The following ST3GAL3 variants were observed in gnomAD, a reference collection of about 807,000 sequenced individuals.
ST3GAL3 encodes CMP-N-acetylneuraminate-beta-1,4-galactoside alpha-2,3-sialyltransferase.
Under a neutral mutation model 50.1 loss-of-function variants are expected in ST3GAL3, and 21 were observed. The ratio of observed to expected loss-of-function variants is 0.42; its 90% CI spans 0.30 to 0.60. ST3GAL3 has a LOEUF of 0.60. Among genes scored for constraint, ST3GAL3 ranks in the 20% least tolerant of loss-of-function variants. ST3GAL3 has a pLI of 0.19. For missense variants in ST3GAL3, 353 were observed against 489.4 expected (o/e 0.72, Z 2.63); for synonymous variants, 183 against 190.0 (o/e 0.96, Z 0.30).
chr1:43,927,779 A>C (rs1232547500), intron 11 of ST3GAL3, among the ~76,000 whole-genome samples: 2 of 152,218 alleles, frequency 1.3e-5, no homozygotes, highest in Non-Finnish European at 2.9e-5. Context: ...GGGCAAGTGC[A>C]GATGGCAGAG....
At chr1:43,824,681 A>G (rs376542625) in intron 4 of ST3GAL3, 11 of 1,612,510 alleles carry the variant, frequency 6.8e-6, no homozygotes, top group African/African-American at 4.0e-5. Flanking sequence ...TCTCCTAGAC[A>G]TCTTGAGCTA....
At chr1:43,775,739 G>A (rs976538848) in intron 2 of ST3GAL3, among the ~76,000 whole-genome samples, 1 of 151,694 alleles carries the variant, frequency 6.6e-6, no homozygotes, top group African/African-American at 2.4e-5. Flanking sequence ...CCCTTGTTCA[G>A]CATAGTTACC....
chr1:43,821,018 C>A (rs1231741878), intron 4 of ST3GAL3, among the ~76,000 whole-genome samples: 2 of 152,114 alleles, frequency 1.3e-5, no homozygotes, highest in Non-Finnish European at 2.9e-5. Flanking sequence ...TGCTCCATAC[C>A]CCAGATTTCA....
chr1:43,814,821 C>A, intron 3 of ST3GAL3, 70 bp from the exon 4 acceptor site: 1 of 1,464,274 alleles, frequency 6.8e-7, no homozygotes, highest in Non-Finnish European at 9.6e-7. Flanking sequence ...TGGTCTAGGT[C>A]TGGGGGATGC....
intron 5 of ST3GAL3, among the ~76,000 whole-genome samples, chr1:43,857,096 A>C (rs1158380743): frequency 1.3e-5 from 2 of 152,286 alleles, no homozygotes; most frequent in East Asian, 3.9e-4. Context: ...GTCAGAGTAC[A>C]TTGTTTCTCC....
At chr1:43,928,564 C>T (rs1035385329) in intron 11 of ST3GAL3, among the ~76,000 whole-genome samples, 1 of 151,566 alleles carries the variant, frequency 6.6e-6, no homozygotes, top group Non-Finnish European at 1.5e-5. Context: ...CGTGCCACTG[C>T]ACTCCAGCCT....
In ST3GAL3 at chr1:43,825,272, A is replaced by T. The variant is rs115602421; in HGVS notation, c.209+10339A>T. 2.8e-3 allele frequency among the ~76,000 whole-genome samples: 428 copies of T among 152,288 alleles called. 2 individuals are homozygous for T. Among genetic ancestry groups the T allele is most frequent in the African/African-American group, 9.6e-3 (397 of 41,548 alleles). On this transcript the variant is annotated intron_variant, in intron 4 of 11. Coordinates refer to ENST00000347631, the MANE Select transcript of ST3GAL3 (RefSeq NM_006279.5). Reference sequence around the variant, plus strand: ...TGCGGCTACTTTCTTTTGATTCTAAATATTGTTTTTATTACACCTTTACAA... The same window carrying T: ...TGCGGCTACTTTCTTTTGATTCTAATTATTGTTTTTATTACACCTTTACAA...
intron 5 of ST3GAL3, among the ~76,000 whole-genome samples, chr1:43,862,026 CT>C (rs1157878208): frequency 5.1e-5 from 7 of 138,320 alleles, no homozygotes; most frequent in South Asian, 2.2e-4. Flanking sequence ...GAAAATCTGT[CT>C]TAAAAAAAAA....
At chr1:43,923,118 T>C (rs916713644) in intron 11 of ST3GAL3, among the ~76,000 whole-genome samples, 2 of 151,820 alleles carry the variant, frequency 1.3e-5, no homozygotes, top group Admixed American at 1.3e-4. Flanking sequence ...TTGGAAAAGT[T>C]GTCTGGGAGC....
At chr1:43,859,612 C>A (rs955595826) in intron 5 of ST3GAL3, among the ~76,000 whole-genome samples, 1 of 152,170 alleles carries the variant, frequency 6.6e-6, no homozygotes, top group Non-Finnish European at 1.5e-5. Flanking sequence ...ACACCTTTGG[C>A]TTTGCTGCTC....
intron 1 of ST3GAL3, among the ~76,000 whole-genome samples, chr1:43,720,300 G>A (rs1188281788): frequency 6.6e-6 from 1 of 152,176 alleles, no homozygotes; most frequent in Non-Finnish European, 1.5e-5. Flanking sequence ...CTGCTGTTGG[G>A]AATGTAAAAT....
chr1:43,713,522 ATTT>A (rs556526111), intron 1 of ST3GAL3, among the ~76,000 whole-genome samples: 4 of 122,158 alleles, frequency 3.3e-5, no homozygotes, highest in Admixed American at 9.2e-5. Context: ...ACGTTGTGGG[ATTT>A]TTTTTTTTTT....
chr1:43,736,918 A>T, intron 2 of ST3GAL3: 1 of 212,386 alleles, frequency 4.7e-6, no homozygotes, highest in Non-Finnish European at 9.5e-6. Flanking sequence ...CTACCCAGTA[A>T]CTCCTAATTT....
At chr1:43,846,675 T>A (rs7552219) in intron 5 of ST3GAL3, among the ~76,000 whole-genome samples, 29,584 of 152,088 alleles carry the variant, frequency 0.19, 3,619 homozygotes, top group African/African-American at 0.33. Flanking sequence ...ATTTTTGTAT[T>A]TTTTGTAGAG....
At chr1:43,824,674 C>G (rs1255436082) in intron 4 of ST3GAL3, 6 of 1,612,262 alleles carry the variant, frequency 3.7e-6, no homozygotes, top group African/African-American at 1.3e-5. Context: ...AAGACTTTCT[C>G]CTAGACATCT....
chr1:43,851,718 T>G (rs926088548), intron 5 of ST3GAL3: 20 of 1,226,900 alleles, frequency 1.6e-5, no homozygotes, highest in African/African-American at 7.5e-5. Flanking sequence ...TGGGCCCTGT[T>G]GACTGGCATT....
chr1:43,930,128 T>G lies in ST3GAL3; in HGVS notation c.1039-4T>G. ...CCAACTGATCACTTCATCTCTCCTT[T>G]CAGTCCTGGACGCACAATATCCAGC... On this transcript the variant is annotated splice_region_variant and splice_polypyrimidine_tract_variant and intron_variant, in intron 11 of 11. Coordinates refer to ENST00000347631, the MANE Select transcript of ST3GAL3 (RefSeq NM_006279.5). 1 of 1,614,126 alleles carries G rather than the reference T, an allele frequency of 6.2e-7. No individual in the cohort carries two copies.
chr1:43,887,373 T>G (rs2076130488), intron 5 of ST3GAL3, among the ~76,000 whole-genome samples: 1 of 152,078 alleles, frequency 6.6e-6, no homozygotes, highest in Admixed American at 6.6e-5. Flanking sequence ...ATTGAGGAGA[T>G]GGATGGGATC....
intron 9 of ST3GAL3, chr1:43,916,961 CTT>C (rs1210961835): frequency 6.6e-6 from 1 of 152,088 alleles, no homozygotes; most frequent in Non-Finnish European, 1.5e-5. Flanking sequence ...CTGTTGTAAA[CTT>C]TTGGATTTTT....
Sources: gnomAD v4.1 joint callset for allele counts (sites outside exome capture counted in the v4.1 genomes callset) on GRCh38, gnomAD v4.1.1 for gene constraint, MANE v1.5 for transcripts, NCBI Gene and HGNC (gene_info 2026-07-23, HGNC 2026-07-21) for gene names.